The following ATAD3A variants were observed in gnomAD, a reference collection of about 807,000 sequenced individuals.
ATAD3A encodes the protein ATPase family AAA domain containing 3A.
ATAD3A carries 46 observed loss-of-function variants against 73.8 expected under a neutral mutation model. The observed-to-expected ratio is 0.62, with a 90% CI of 0.49 to 0.80. The LOEUF (loss-of-function observed/expected upper bound fraction) is 0.80. ATAD3A is among the 30% of genes least tolerant of loss of function. The pLI, the probability that ATAD3A is intolerant of heterozygous loss-of-function variation, is 0.00. For synonymous variants in ATAD3A, 319 were observed against 350.0 expected, an observed-to-expected ratio of 0.91 and a Z score of 0.99; for missense variants, 705 against 838.0, an observed-to-expected ratio of 0.84 and a Z score of 1.96.
chr1:1,523,589 C>T lies in ATAD3A; in HGVS notation c.963+22C>T, dbSNP rs762363156. 30 of 1,612,380 alleles carry T rather than the reference C, an allele frequency of 1.9e-5. 1 individual carries two copies. Among genetic ancestry groups the T allele is most frequent in the South Asian group, 1.3e-4 (12 of 90,970 alleles). On this transcript the variant is annotated intron_variant, in intron 9 of 15. Coordinates refer to ENST00000378756, the MANE Select transcript of ATAD3A (RefSeq NM_001170535.3). The surrounding 1 kb of genome is among the most constrained non-coding windows in gnomAD (Gnocchi z 5.1). ...CAGTGTAAGTCGGTGTGCCTGGGAC[C>T]GGGGAGGCGCAGGGAGGGGACCCTG...
rs114312242 is a variant in ATAD3A, at chr1:1,533,274, A to G, written c.1615-652A>G. ...TCCCCACACCCTGACCCTGACCCTG[A>G]CCCACGGGTGCCTCCCCTTGGGGAC... On this transcript the variant is annotated intron_variant, in intron 15 of 15. Coordinates refer to ENST00000378756, the MANE Select transcript of ATAD3A (RefSeq NM_001170535.3). Among the ~76,000 whole-genome samples, 774 of 152,134 alleles carry G rather than the reference A, an allele frequency of 5.1e-3. 8 individuals are homozygous for G. Among genetic ancestry groups the G allele is most frequent in the African/African-American group, 0.017 (723 of 41,428 alleles).
intron 7 of ATAD3A, among the ~76,000 whole-genome samples, chr1:1,521,433 C>G (rs1405935825): frequency 6.6e-6 from 1 of 151,538 alleles, no homozygotes. Context: ...AAGCCTCACT[C>G]TTTTGTGCCC....
chr1:1,518,984 C>G lies in ATAD3A; in HGVS notation c.508C>G (p.Arg170Gly). 6.2e-7 allele frequency: 1 copy of G among 1,614,116 alleles called. No homozygotes were observed. The highest frequency in any genetic ancestry group is 8.5e-7 in the Non-Finnish European group (1 of 1,179,968). Residue 170 changes from arginine to glycine, a missense_variant, in exon 5 of 16, where the codon CGG (arginine) becomes GGG (glycine). This residue lies in a region of ATAD3A where 315 missense variants were observed against 334.1 expected (regional missense o/e 0.94). Coordinates refer to ENST00000378756, the MANE Select transcript of ATAD3A (RefSeq NM_001170535.3). ...GTCCGTGCAGAAGCAGGAAGCCATG[C>G]GGCGAGGTAGGCTGTCTGCTCTCCT... ...EESVQKQEAM[R>G]RATVEREMEL...
intron 1 of ATAD3A, among the ~76,000 whole-genome samples, chr1:1,513,839 T>C (rs1385827427): frequency 6.6e-6 from 1 of 152,140 alleles, no homozygotes; most frequent in Non-Finnish European, 1.5e-5. Flanking sequence ...CATTGCTTTG[T>C]CCTTGCTGCT....
At chr1:1,533,003 T>C (rs1030478530) in intron 15 of ATAD3A, among the ~76,000 whole-genome samples, 4 of 152,020 alleles carry the variant, frequency 2.6e-5, no homozygotes, top group African/African-American at 9.7e-5. Flanking sequence ...TGGCTCTTGG[T>C]GAGGGGTGGG....
At chr1:1,517,021 G>C in intron 2 of ATAD3A, 2 of 1,418,140 alleles carry the variant, frequency 1.4e-6, no homozygotes, top group Non-Finnish European at 1.9e-6. Context: ...CCACTCAGCA[G>C]GATTCCTAAA....
At chr1:1,522,410 T>G (rs1641630286) in intron 7 of ATAD3A, among the ~76,000 whole-genome samples, 1 of 152,190 alleles carries the variant, frequency 6.6e-6, no homozygotes, top group South Asian at 2.1e-4. Context: ...AAAGTACCAT[T>G]TTTAGTGGCC....
Position 1,520,238 on chromosome 1 carries a change from A to G in ATAD3A, c.612A>G (p.Ala204=). 6.2e-7 allele frequency: 1 copy of G among 1,612,682 alleles called. No individual in the cohort carries two copies. Among genetic ancestry groups the G allele is most frequent in the Non-Finnish European group, 8.5e-7 (1 of 1,179,628 alleles). ...GCGCCAAGGCCGAGCGGGAGAATGC[A>G]GACATCATCCGCGAGCAGATCCGCC... is the stretch of plus-strand genomic sequence containing the variant. The part of the protein sequence containing the change: ...RARAKAEREN[A]DIIREQIRLK... Residue 204 remains alanine, a synonymous_variant, in exon 6 of 16, where the codon GCA becomes GCG. Transcript: ENST00000378756. This position sits in a 1 kb window ranked among gnomAD's most constrained non-coding sequence, Gnocchi z 4.0.
At position 1,523,625 on chromosome 1, in the gene ATAD3A, G is replaced by A. The variant is rs566285500; in HGVS notation, c.963+58G>A. The A allele has an allele frequency of 1.7e-5, 28 of 1,609,646 alleles. No individual in the cohort carries two copies. The highest frequency in any genetic ancestry group is 1.4e-4 in the South Asian group (13 of 90,684). ...AGGGAGGGGACCCTGGAGCTGGGCCGGGCTGTGGCCCTTGCTGGCGCTCGT... is the reference window on the plus strand; with the variant it reads ...AGGGAGGGGACCCTGGAGCTGGGCCAGGCTGTGGCCCTTGCTGGCGCTCGT... On this transcript the variant is annotated intron_variant, in intron 9 of 15. Coordinates refer to ENST00000378756, the MANE Select transcript of ATAD3A (RefSeq NM_001170535.3). This position sits in a 1 kb window ranked among gnomAD's most constrained non-coding sequence, Gnocchi z 5.1.
In ATAD3A at chr1:1,520,470, G is replaced by C; in HGVS notation, c.681-78G>C. 6.2e-7 allele frequency: 1 copy of C among 1,612,064 alleles called. No individual in the cohort carries two copies. Among genetic ancestry groups the C allele is most frequent in the Non-Finnish European group, 8.5e-7 (1 of 1,178,334 alleles). On this transcript the variant is annotated intron_variant, in intron 6 of 15. Coordinates refer to ENST00000378756, the MANE Select transcript of ATAD3A (RefSeq NM_001170535.3). The surrounding 1 kb of genome is among the most constrained non-coding windows in gnomAD (Gnocchi z 4.0). ...GGCAAGGCCGTGCCGCCATGTCAGG[G>C]CCTCACCCTCAACCTGCTCTCGCTG...
At chr1:1,526,415 C>T (rs1218460054) in intron 12 of ATAD3A, 46 bp from the exon 13 acceptor site, 5 of 1,562,268 alleles carry the variant, frequency 3.2e-6, no homozygotes, top group African/African-American at 2.7e-5. Context: ...TGGCTGTTTA[C>T]AAGGCTTTGC....
chr1:1,521,557 G>A (rs759362136), intron 7 of ATAD3A, among the ~76,000 whole-genome samples: 1 of 152,190 alleles, frequency 6.6e-6, no homozygotes, highest in African/African-American at 2.4e-5. Context: ...GCTCTGCCGT[G>A]GTGCCGGCGC....
chr1:1,528,759 A>T (rs1430648699), intron 14 of ATAD3A, among the ~76,000 whole-genome samples: 1 of 152,250 alleles, frequency 6.6e-6, no homozygotes, highest in Non-Finnish European at 1.5e-5. Flanking sequence ...ATGACAAAAG[A>T]GAGCCTGGTT....
rs191102427 is a variant in ATAD3A at position 1,525,449 on chromosome 1, C to T, written c.1266+158C>T. On this transcript the variant is annotated intron_variant, in intron 12 of 15. Transcript: ENST00000378756. The stretch of plus-strand genomic sequence containing the variant: ...TTTTTTTTTGAGAAGAAATCTCGCT[C>T]TATCACCCAGGCTGGAGTGCAATGG... Among the ~76,000 whole-genome samples the T allele has an allele frequency of 4.7e-4, 68 of 145,992 alleles. 1 individual carries two copies. The East Asian group carries it at 0.012, about 27-fold the overall frequency.
At position 1,524,263 on chromosome 1, in the gene ATAD3A, T is replaced by C. The variant is rs1374447154; in HGVS notation, c.1090-10T>C. ...CATCTGCTCTGTCTCCCCTCACTCTTCCTGTCCAGAAACTCGCCCTGCACT... is the reference window on the plus strand; with the variant it reads ...CATCTGCTCTGTCTCCCCTCACTCTCCCTGTCCAGAAACTCGCCCTGCACT... On this transcript the variant is annotated splice_polypyrimidine_tract_variant and intron_variant, in intron 10 of 15. Coordinates refer to ENST00000378756, the MANE Select transcript of ATAD3A (RefSeq NM_001170535.3). The C allele has an allele frequency of 4.3e-6, 7 of 1,613,782 alleles. No individual in the cohort carries two copies. In the East Asian group the frequency reaches 1.1e-4, roughly 26 times the overall value.
chr1:1,521,247 C>G (rs1050613491), intron 7 of ATAD3A, among the ~76,000 whole-genome samples: 2 of 122,914 alleles, frequency 1.6e-5, no homozygotes, highest in African/African-American at 6.3e-5. Flanking sequence ...TGCAGTGAGT[C>G]GAGATCACGC....
At chr1:1,512,882 G>A (rs918187001) in intron 1 of ATAD3A, among the ~76,000 whole-genome samples, 1 of 152,158 alleles carries the variant, frequency 6.6e-6, no homozygotes, top group African/African-American at 2.4e-5. Context: ...CACGTAACAA[G>A]GGAAGCGTAT....
chr1:1,520,638 G>C lies in ATAD3A; in HGVS notation c.750+21G>C, dbSNP rs1641557420. 1.2e-6 allele frequency: 2 copies of C among 1,613,164 alleles called. No individual in the cohort carries two copies. Among genetic ancestry groups the C allele is most frequent in the Middle Eastern group, 1.9e-4 (1 of 5,376 alleles). The stretch of plus-strand genomic sequence containing the variant: ...CCACGGTAAACATACTCATAAAACA[G>C]GGCTGGCAGGTGGCTGAGGGGCAGC... On this transcript the variant is annotated intron_variant, in intron 7 of 15. Coordinates refer to ENST00000378756, the MANE Select transcript of ATAD3A (RefSeq NM_001170535.3). This position sits in a 1 kb window ranked among gnomAD's most constrained non-coding sequence, Gnocchi z 4.0.
chr1:1,533,820 A>G (rs535958228), intron 15 of ATAD3A, 106 bp from the exon 16 acceptor site: 19,480 of 1,414,298 alleles, frequency 0.014, 199 homozygotes, highest in Non-Finnish European at 0.016. Flanking sequence ...CGCTCAGGCC[A>G]TCCTGGAGCC....
Sources: allele counts gnomAD v4.1 joint callset (sites outside exome capture counted in the v4.1 genomes callset), GRCh38; gene constraint gnomAD v4.1.1; regional missense constraint gnomAD v4.1.1; non-coding constraint Gnocchi (gnomAD v3.1); transcripts MANE v1.5; gene names NCBI Gene and HGNC (gene_info 2026-07-23, HGNC 2026-07-21).